SDK1: variants seen among roughly 807,000 people sequenced by gnomAD.
SDK1 encodes the protein sidekick cell adhesion molecule 1.
A neutral mutation model predicts 245.5 loss-of-function variants in SDK1; 157 were observed. That is an observed-to-expected ratio of 0.64 (90% CI 0.56 to 0.73). The LOEUF (loss-of-function observed/expected upper bound fraction) is 0.73. Ranked by LOEUF, SDK1 falls within the 30% of genes least tolerant of loss-of-function variation. SDK1 has a pLI of 0.00. For missense variants in SDK1, 3,583 were observed against 3,002.3 expected (o/e 1.19, Z -4.52); for synonymous variants, 1,647 against 1,278.5 (o/e 1.29, Z -6.15).
intron 5 of SDK1, among the ~76,000 whole-genome samples, chr7:3,880,175 A>T (rs1194604153): frequency 6.6e-6 from 1 of 152,210 alleles, no homozygotes; most frequent in Non-Finnish European, 1.5e-5. Context: ...CCTCAGGGAG[A>T]TGGATGCGTT....
intron 1 of SDK1, among the ~76,000 whole-genome samples, chr7:3,463,315 A>C (rs1342882593): frequency 1.3e-5 from 2 of 152,122 alleles, no homozygotes; most frequent in African/African-American, 4.8e-5. Flanking sequence ...TTGGTGCTGA[A>C]AAATACTTGT....
Position 4,268,553 on chromosome 7 carries a change from G to A in SDK1, c.*3169G>A. 3.1e-6 allele frequency: 4 copies of A among 1,296,852 alleles called. No homozygotes were observed. Among genetic ancestry groups the A allele is most frequent in the South Asian group, 1.3e-5 (1 of 77,078 alleles). 80.3% of individuals were successfully genotyped at this position (1,296,852 alleles called of 1,614,324 possible). A position where few individuals can be genotyped will look rare whatever the true frequency, so the allele number is the denominator to read the frequency against. ...GGAACGCGCCTCCACAGCCCCGGGA[G>A]GTGGCTCACTCTGTACAGGTCTTCG... On this transcript the variant is annotated 3_prime_UTR_variant, in exon 45 of 45. Coordinates refer to ENST00000404826, the MANE Select transcript of SDK1 (RefSeq NM_152744.4).
chr7:3,419,596 C>T (rs1779481529), intron 1 of SDK1, among the ~76,000 whole-genome samples: 2 of 152,186 alleles, frequency 1.3e-5, no homozygotes, highest in African/African-American at 4.8e-5. Context: ...GTCATGGACT[C>T]AGTTGCCTTT....
intron 11 of SDK1, among the ~76,000 whole-genome samples, chr7:3,970,599 T>G (rs1782418046): frequency 6.6e-6 from 1 of 152,226 alleles, no homozygotes; most frequent in Non-Finnish European, 1.5e-5. Context: ...TATCTGAATC[T>G]CTGTAGATCA....
chr7:3,409,204 A>G (rs751587823), intron 1 of SDK1, among the ~76,000 whole-genome samples: 4 of 152,036 alleles, frequency 2.6e-5, no homozygotes, highest in Non-Finnish European at 4.4e-5. Flanking sequence ...TGGTGTTTCT[A>G]CACTCCTTTG....
intron 1 of SDK1, among the ~76,000 whole-genome samples, chr7:3,513,140 T>C (rs573973728): frequency 1.3e-5 from 2 of 152,300 alleles, no homozygotes; most frequent in Admixed American, 6.5e-5. Flanking sequence ...CAGCTAACAG[T>C]TACTGAGCTC....
At chr7:3,918,836 T>C (rs1779484242) in intron 5 of SDK1, among the ~76,000 whole-genome samples, 1 of 152,164 alleles carries the variant, frequency 6.6e-6, no homozygotes. Flanking sequence ...ATTTATCCTC[T>C]GACGGTTTCC....
At chr7:3,452,024 C>T (rs1342973265) in intron 1 of SDK1, among the ~76,000 whole-genome samples, 1 of 152,114 alleles carries the variant, frequency 6.6e-6, no homozygotes, top group Non-Finnish European at 1.5e-5. Flanking sequence ...AGTGAAGGAA[C>T]TTGTATTTTA....
chr7:3,323,825 A>C (rs1779876711), intron 1 of SDK1, among the ~76,000 whole-genome samples: 1 of 152,254 alleles, frequency 6.6e-6, no homozygotes, highest in African/African-American at 2.4e-5. Context: ...TATGGGGCAG[A>C]ACATTTTTGA....
At chr7:3,310,873 C>T (rs1170403614) in intron 1 of SDK1, among the ~76,000 whole-genome samples, 2 of 152,178 alleles carry the variant, frequency 1.3e-5, no homozygotes, top group Non-Finnish European at 2.9e-5. Flanking sequence ...CTTTTCTTAT[C>T]CCTGAAGAAT....
At chr7:3,720,907 G>A (rs906109946) in intron 4 of SDK1, among the ~76,000 whole-genome samples, 6 of 152,050 alleles carry the variant, frequency 3.9e-5, no homozygotes, top group African/African-American at 9.7e-5. Flanking sequence ...ATCACACATC[G>A]CTCATAATAA....
At chr7:3,398,246 T>C (rs185044735) in intron 1 of SDK1, among the ~76,000 whole-genome samples, 6 of 152,146 alleles carry the variant, frequency 3.9e-5, no homozygotes, top group Admixed American at 3.9e-4. Context: ...TTAAGTAGAG[T>C]CTGTACCTTG....
chr7:3,995,309 C>T (rs936617242), intron 14 of SDK1, among the ~76,000 whole-genome samples: 4 of 152,300 alleles, frequency 2.6e-5, no homozygotes, highest in Non-Finnish European at 4.4e-5. Flanking sequence ...TCAGCATCTC[C>T]TTTTAGGCAT....
chr7:4,158,616 C>T (rs1458678681), intron 31 of SDK1, 65 bp downstream of exon 31: 3 of 1,218,522 alleles, frequency 2.5e-6, no homozygotes, highest in African/African-American at 1.5e-5. Flanking sequence ...ATACTTAGGC[C>T]ACACTTTCGT....
chr7:4,049,560 G>T, intron 18 of SDK1, 97 bp downstream of exon 18: 1 of 906,480 alleles, frequency 1.1e-6, no homozygotes, highest in South Asian at 1.4e-5. Context: ...ATCAAGAGCT[G>T]GTTGCATTAA....
chr7:4,074,916 A>ATTTTTTTTTTT (rs55899344), intron 20 of SDK1, among the ~76,000 whole-genome samples: 3 of 64,594 alleles, frequency 4.6e-5, no homozygotes, highest in African/African-American at 3.5e-4. Context: ...ATATATATAT[A>ATTTTTTTTTTT]TTTTTTTTTT....
intron 35 of SDK1, among the ~76,000 whole-genome samples, chr7:4,184,888 C>T (rs972301254): frequency 6.6e-6 from 1 of 152,222 alleles, no homozygotes; most frequent in Non-Finnish European, 1.5e-5. Context: ...CTTGGATCCA[C>T]TTTCCTCCTA....
chr7:3,665,505 C>T (rs4449688), intron 4 of SDK1, among the ~76,000 whole-genome samples: 54,145 of 152,020 alleles, frequency 0.36, 10,520 homozygotes, highest in African/African-American at 0.5. Flanking sequence ...CACCATAGCA[C>T]ACCACACATA....
Position 4,149,446 on chromosome 7 carries a change from A to G in SDK1, c.4608A>G (p.Thr1536=). ...CCTCGTCCATCAGCCATGAGGCGAC[A>G]GCATGCGTCGTTGACAGGTACTGAG... ...TYSSSISHEA[T]ACVVDRLRPF... Residue 1536 remains threonine (T), a synonymous_variant, in exon 30 of 45, where the codon ACA becomes ACG. Transcript: ENST00000404826. The G allele has an allele frequency of 6.5e-7, 1 of 1,531,272 alleles. No homozygotes were observed. The allele number at this position is 1,531,272 out of a possible 1,614,324, so 94.9% of individuals were successfully genotyped here.
Sources: gnomAD v4.1 joint callset for allele counts (sites outside exome capture counted in the v4.1 genomes callset) on GRCh38, gnomAD v4.1.1 for gene constraint, MANE v1.5 for transcripts, NCBI Gene and HGNC (gene_info 2026-07-23, HGNC 2026-07-21) for gene names.